Variants in RDH8 observed in about 807,000 individuals in gnomAD.
RDH8 encodes photoreceptor outer segment all-trans retinol dehydrogenase.
In RDH8, 14 loss-of-function variants were observed where a neutral mutation model predicts 22.3. The observed-to-expected ratio is 0.63, with a 90% CI of 0.42 to 0.98. RDH8 has a LOEUF of 0.98. Among genes scored for constraint, RDH8 ranks in the 50% least tolerant of loss-of-function variants. RDH8 has a pLI of 0.00. For missense variants in RDH8, 389 were observed against 409.8 expected (o/e 0.95, Z 0.44); for synonymous variants, 175 against 171.7 (o/e 1.02, Z -0.15).
At position 10,021,972 on chromosome 19, in the gene RDH8, T is replaced by G. The variant is rs1301580379; in HGVS notation, c.*223T>G. On this transcript the variant is annotated 3_prime_UTR_variant, in exon 6 of 6. Transcript: ENST00000591589. Reference sequence around the variant, plus strand: ...AGAGAGGGACCCTGGGAACTTGGCCTGGGAAGCCCAGAGCAGGAAGCCACA... The same window carrying G: ...AGAGAGGGACCCTGGGAACTTGGCCGGGGAAGCCCAGAGCAGGAAGCCACA... 2 of 582,822 alleles carry G rather than the reference T, an allele frequency of 3.4e-6. No individual in the cohort carries two copies. Among genetic ancestry groups the G allele is most frequent in the African/African-American group, 3.7e-5 (2 of 53,426 alleles). 36.1% of individuals were successfully genotyped at this position (582,822 alleles called of 1,614,324 possible).
intron 1 of RDH8, among the ~76,000 whole-genome samples, chr19:10,016,562 G>A (rs1372184032): frequency 6.6e-6 from 1 of 152,054 alleles, no homozygotes; most frequent in Non-Finnish European, 1.5e-5. Context: ...CTGGGCTCAA[G>A]CAATCCTCCC....
chr19:10,016,239 C>A (rs1355670574), intron 1 of RDH8, among the ~76,000 whole-genome samples: 1 of 148,386 alleles, frequency 6.7e-6, no homozygotes, highest in Non-Finnish European at 1.5e-5. Flanking sequence ...CTCCGCCTCC[C>A]GGGTTCACGC....
chr19:10,016,978 C>T lies in RDH8; in HGVS notation c.104-79C>T. ...TTCCATCTCTCTGTGACTTGTAACGCAAGATCACAGACACGTGGCGCCCAC... is the reference window on the plus strand; with the variant it reads ...TTCCATCTCTCTGTGACTTGTAACGTAAGATCACAGACACGTGGCGCCCAC... On this transcript the variant is annotated intron_variant, in intron 1 of 5. Coordinates refer to ENST00000591589, the MANE Select transcript of RDH8 (RefSeq NM_015725.4). 2.2e-6 allele frequency: 3 copies of T among 1,357,934 alleles called. No individual in the cohort carries two copies. In the South Asian group the frequency reaches 5.5e-5, roughly 25 times the overall value. The allele number at this position is 1,357,934 out of a possible 1,614,324, so 84.1% of individuals were successfully genotyped here. A position where few individuals can be genotyped will look rare whatever the true frequency, so the allele number is the denominator to read the frequency against.
intron 1 of RDH8, among the ~76,000 whole-genome samples, chr19:10,014,977 T>G (rs981190231): frequency 5.3e-5 from 8 of 152,302 alleles, no homozygotes; most frequent in Non-Finnish European, 1.2e-4. Context: ...CTATATCACA[T>G]GTAGATGCAA....
intron 1 of RDH8, among the ~76,000 whole-genome samples, chr19:10,015,037 C>T (rs2087599749): frequency 6.6e-6 from 1 of 152,208 alleles, no homozygotes; most frequent in Non-Finnish European, 1.5e-5. Context: ...GACCCGAAGA[C>T]AAGAGGCAAA....
chr19:10,021,644 T>G lies in RDH8; in HGVS notation c.831T>G (p.Tyr277Ter), dbSNP rs532752753. The change falls in exon 6 of 6, where the codon TAT (tyrosine) becomes TAG (stop). Residue 277 changes from tyrosine to a stop codon, truncating the protein, a stop_gained. Transcript: ENST00000591589. LOFTEE classifies it high-confidence loss of function. ...LKTVDSSGSLYVRTTHRLLFR... is the reference protein window; with the variant it reads ...LKTVDSSGSL The stretch of plus-strand genomic sequence containing the variant: ...CCGTGGATTCCTCTGGCAGCCTGTA[T>G]GTGCGAACGACCCACCGCCTCCTCT... 31 of 1,613,630 alleles carry G rather than the reference T, an allele frequency of 1.9e-5. No individual in the cohort carries two copies. Among genetic ancestry groups the G allele is most frequent in the Middle Eastern group, 3.3e-4 (2 of 6,084 alleles).
At chr19:10,013,722 G>A in intron 1 of RDH8, 122 bp downstream of exon 1, 1 of 953,300 alleles carries the variant, frequency 1.0e-6, no homozygotes, top group Non-Finnish European at 1.6e-6. Context: ...ATTCCCTCCA[G>A]GAATCATCCC....
At chr19:10,021,214 G>A (rs898126223) in intron 4 of RDH8, 41 bp from the exon 5 acceptor site, 1 of 1,592,152 alleles carries the variant, frequency 6.3e-7, no homozygotes, top group Middle Eastern at 1.7e-4. Context: ...TCAGGGAGTG[G>A]TTGGGGCATC....
chr19:10,017,901 C>G (rs113223750), intron 2 of RDH8, among the ~76,000 whole-genome samples: 20,963 of 151,988 alleles, frequency 0.14, 1,638 homozygotes, highest in Non-Finnish European at 0.18. Context: ...CCACCTCGAC[C>G]TCCCAGAGTG....
intron 1 of RDH8, among the ~76,000 whole-genome samples, chr19:10,016,124 CTTATTTATTTAT>C (rs139050285): frequency 0.2 from 28,511 of 142,280 alleles, 3,140 homozygotes; most frequent in African/African-American, 0.3. Flanking sequence ...GAAACTTTAT[CTTATTTATTTAT>C]TTATTTATTT....
Position 10,013,509 on chromosome 19 carries a change from A to C in RDH8, c.12A>C (p.Ala4=), listed in dbSNP as rs778293179. ...GGGAGGGGATCAACATGGCCGCTGC[A>C]CCCCGGACTGTGTTGATCTCCGGCT... is the stretch of plus-strand genomic sequence containing the variant. MAA[A]PRTVLISGCS... is the part of the protein sequence containing the mutation. Residue 4 remains alanine (A), a synonymous_variant, in exon 1 of 6, where the codon GCA becomes GCC. Coordinates refer to ENST00000591589, the MANE Select transcript of RDH8 (RefSeq NM_015725.4). 2 of 1,613,274 alleles carry C rather than the reference A, an allele frequency of 1.2e-6. No individual in the cohort carries two copies. The highest frequency in any genetic ancestry group is 1.7e-5 in the Admixed American group (1 of 59,988).
In RDH8 at chr19:10,020,735, G is replaced by A. The variant is rs2087651933; in HGVS notation, c.469G>A (p.Ala157Thr). The A allele has an allele frequency of 6.2e-7, 1 of 1,611,188 alleles. No homozygotes were observed. The highest frequency in any genetic ancestry group is 1.1e-5 in the South Asian group (1 of 90,396). ...QGVIFNDVYA[A>T]SKFALEGFFE... ...TGTCATCTTCAACGATGTCTATGCA[G>A]CTTCCAAGTTCGCCCTGGAGGGATT... The change falls in exon 4 of 6, where the codon GCT becomes ACT. Residue 157 changes from alanine (A) to threonine (T), a missense_variant. Coordinates refer to ENST00000591589, the MANE Select transcript of RDH8 (RefSeq NM_015725.4).
At chr19:10,017,410 G>A (rs2087627221) in intron 2 of RDH8, among the ~76,000 whole-genome samples, 195 bp downstream of exon 2, 1 of 152,172 alleles carries the variant, frequency 6.6e-6, no homozygotes, top group South Asian at 2.1e-4. Context: ...TGGGTGCAGT[G>A]GCTCATACCT....
In RDH8 at chr19:10,014,826, C is replaced by T. The variant is rs192865339; in HGVS notation, c.103+1226C>T. 5.8e-3 allele frequency among the ~76,000 whole-genome samples: 881 copies of T among 152,212 alleles called. 3 individuals carry two copies. Among genetic ancestry groups the T allele is most frequent in the Non-Finnish European group, 8.7e-3 (590 of 68,010 alleles). ...TGCTGGGATTACAGGCATGAGCCACCGTGCCTGGCCTGCCCTATTTTAGAA... is the reference window on the plus strand; with the variant it reads ...TGCTGGGATTACAGGCATGAGCCACTGTGCCTGGCCTGCCCTATTTTAGAA... On this transcript the variant is annotated intron_variant, in intron 1 of 5. Transcript: ENST00000591589.
chr19:10,020,853 G>A, intron 4 of RDH8, 51 bp downstream of exon 4: 1 of 1,301,620 alleles, frequency 7.7e-7, no homozygotes, highest in Non-Finnish European at 1.1e-6. Flanking sequence ...ATGGGGAGGT[G>A]GCATCGAAAG....
intron 1 of RDH8, among the ~76,000 whole-genome samples, chr19:10,015,217 C>T (rs1369275692): frequency 6.6e-6 from 1 of 151,870 alleles, no homozygotes; most frequent in Non-Finnish European, 1.5e-5. Context: ...TTTGGGAGGC[C>T]TAGGTGGACA....
At chr19:10,020,922 A>G in intron 4 of RDH8, 120 bp downstream of exon 4, 1 of 760,870 alleles carries the variant, frequency 1.3e-6, no homozygotes. Flanking sequence ...CTGTAAGTCC[A>G]GCGTTTTGAG....
rs1480777614 is a variant in RDH8, at chr19:10,014,407, C to T, written c.103+807C>T. Reference sequence around the variant, plus strand: ...GCGGGCAGATGGGTGTATGAAACTGCTGGAGGCTAATGTTTATGGAGCTTT... The same window carrying T: ...GCGGGCAGATGGGTGTATGAAACTGTTGGAGGCTAATGTTTATGGAGCTTT... On this transcript the variant is annotated intron_variant, in intron 1 of 5. Coordinates refer to ENST00000591589, the MANE Select transcript of RDH8 (RefSeq NM_015725.4). 2.0e-5 allele frequency among the ~76,000 whole-genome samples: 3 copies of T among 152,156 alleles called. No individual in the cohort carries two copies. In the East Asian group the frequency reaches 5.8e-4, roughly 29 times the overall value.
chr19:10,016,044 T>A (rs1373399501), intron 1 of RDH8, among the ~76,000 whole-genome samples: 1 of 152,016 alleles, frequency 6.6e-6, no homozygotes, highest in Non-Finnish European at 1.5e-5. Flanking sequence ...TGCATTTTTT[T>A]CATGGCAATC....
Sources: allele counts gnomAD v4.1 joint callset (sites outside exome capture counted in the v4.1 genomes callset), GRCh38; gene constraint gnomAD v4.1.1; transcripts MANE v1.5; gene names NCBI Gene and HGNC (gene_info 2026-07-23, HGNC 2026-07-21).